The following SLC12A6 variants were observed in gnomAD, a reference collection of about 807,000 sequenced individuals.
SLC12A6 encodes the protein solute carrier family 12 member 6.
In SLC12A6, 66 loss-of-function variants were observed where a neutral mutation model predicts 135.3. That is an observed-to-expected ratio of 0.49 (90% CI 0.40 to 0.60). The LOEUF is 0.60. Ranked by LOEUF, SLC12A6 falls within the 20% of genes least tolerant of loss-of-function variation. The pLI, the probability that SLC12A6 is intolerant of heterozygous loss-of-function variation, is 0.00. For missense variants in SLC12A6, 1,058 were observed against 1,452.3 expected, an observed-to-expected ratio of 0.73 and a Z score of 4.41; for synonymous variants, 513 against 508.8, an observed-to-expected ratio of 1.01 and a Z score of -0.11.
intron 2 of SLC12A6, among the ~76,000 whole-genome samples, chr15:34,322,737 G>A (rs1889185029): frequency 6.6e-6 from 1 of 151,884 alleles, no homozygotes; most frequent in African/African-American, 2.4e-5. Context: ...CAGCACTTTG[G>A]GAGGCCAAGG....
At chr15:34,312,446 G>A (rs1888323253) in intron 2 of SLC12A6, among the ~76,000 whole-genome samples, 1 of 152,152 alleles carries the variant, frequency 6.6e-6, no homozygotes. Flanking sequence ...ATCTGACGAA[G>A]TCCTCAAGGA....
At chr15:34,304,495 A>G (rs1896466571) in intron 2 of SLC12A6, among the ~76,000 whole-genome samples, 1 of 152,228 alleles carries the variant, frequency 6.6e-6, no homozygotes. Flanking sequence ...ACTATTTTAC[A>G]TTGTCACTAG....
chr15:34,299,045 CTTGT>C (rs1274881455), intron 2 of SLC12A6, among the ~76,000 whole-genome samples: 13 of 152,140 alleles, frequency 8.5e-5, no homozygotes, highest in Admixed American at 3.3e-4. Context: ...ATCATTTTCA[CTTGT>C]TTATTTGTAA....
chr15:34,260,047 A>G (rs954053517), intron 4 of SLC12A6, among the ~76,000 whole-genome samples: 4 of 152,214 alleles, frequency 2.6e-5, no homozygotes, highest in South Asian at 2.1e-4. Context: ...AACATATTGT[A>G]TATTTCAAAA....
intron 2 of SLC12A6, among the ~76,000 whole-genome samples, chr15:34,276,362 G>C (rs1406793044): frequency 2.0e-5 from 3 of 152,156 alleles, no homozygotes; most frequent in African/African-American, 7.2e-5. Flanking sequence ...AAGATACACT[G>C]ACTACATTGG....
intron 3 of SLC12A6, among the ~76,000 whole-genome samples, chr15:34,269,359 A>G (rs1893752051): frequency 2.0e-5 from 3 of 152,050 alleles, no homozygotes; most frequent in Admixed American, 1.3e-4. Context: ...TTATATAAAC[A>G]CTTTACTGTT....
chr15:34,336,117 T>C (rs966572994), intron 2 of SLC12A6, among the ~76,000 whole-genome samples: 1 of 152,182 alleles, frequency 6.6e-6, no homozygotes, highest in African/African-American at 2.4e-5. Context: ...TCTTTGATAT[T>C]CACTTTTAAC....
intron 2 of SLC12A6, among the ~76,000 whole-genome samples, chr15:34,325,113 G>A (rs919967483): frequency 6.6e-5 from 10 of 152,146 alleles, no homozygotes; most frequent in African/African-American, 2.2e-4. Flanking sequence ...GAATAGTTCT[G>A]TGTTAGAAAA....
intron 2 of SLC12A6, among the ~76,000 whole-genome samples, chr15:34,279,309 G>A (rs1000168277): frequency 2.6e-5 from 4 of 151,372 alleles, no homozygotes; most frequent in African/African-American, 4.9e-5. Flanking sequence ...GCAAGACTCC[G>A]TCTCAAAAAA....
At chr15:34,235,878 T>C in intron 24 of SLC12A6, 137 bp downstream of exon 24, 1 of 764,092 alleles carries the variant, frequency 1.3e-6, no homozygotes, top group East Asian at 2.5e-5. Context: ...TGGGAGCCAG[T>C]ATGAACAGGC....
In SLC12A6 at chr15:34,275,361, T is replaced by C; in HGVS notation, c.300A>G (p.Glu100=). The C allele has an allele frequency of 3.2e-6, 5 of 1,545,340 alleles. No homozygotes were observed. The highest frequency in any genetic ancestry group is 4.5e-6 in the Non-Finnish European group (5 of 1,118,092). ...ATACTATACCTAACAGTTGGCTGTG[T>C]TCCCCTGTGATGGAGTTCTGACTCA... ...EDLSQNSITG[E]HSQLLDDGHK... The change falls in exon 3 of 26, where the codon GAA becomes GAG. Residue 100 remains glutamate, a synonymous_variant. Coordinates refer to ENST00000354181, the MANE Select transcript of SLC12A6 (RefSeq NM_001365088.1).
At chr15:34,297,950 A>C (rs2140998764) in intron 2 of SLC12A6, among the ~76,000 whole-genome samples, 1 of 152,302 alleles carries the variant, frequency 6.6e-6, no homozygotes, top group Non-Finnish European at 1.5e-5. Context: ...TTAATAGACC[A>C]CGGCGGTCTG....
At chr15:34,277,877 G>C (rs550936262) in intron 2 of SLC12A6, among the ~76,000 whole-genome samples, 4 of 152,188 alleles carry the variant, frequency 2.6e-5, no homozygotes, top group Admixed American at 6.5e-5. Context: ...GGGTTAATCA[G>C]TGGCTAAAGA....
chr15:34,270,736 G>A (rs1328605664), intron 3 of SLC12A6, among the ~76,000 whole-genome samples: 1 of 151,866 alleles, frequency 6.6e-6, no homozygotes, highest in African/African-American at 2.4e-5. Flanking sequence ...CTGGGAGATG[G>A]AGGTTGCAGT....
intron 2 of SLC12A6, 105 bp downstream of exon 2, chr15:34,336,305 A>G (rs1890189197): frequency 1.7e-5 from 16 of 946,272 alleles, no homozygotes; most frequent in East Asian, 2.6e-5. Context: ...CCTGATGACT[A>G]TTATAATCAT....
intron 2 of SLC12A6, among the ~76,000 whole-genome samples, chr15:34,315,957 A>G (rs1216771370): frequency 2.6e-5 from 4 of 152,018 alleles, no homozygotes; most frequent in Non-Finnish European, 2.9e-5. Flanking sequence ...AAACAAAACA[A>G]AAAAAACAAC....
In SLC12A6 at chr15:34,254,390, T is replaced by C. The variant is rs779659902; in HGVS notation, c.1076A>G (p.Tyr359Cys). 11 of 1,613,658 alleles carry C rather than the reference T, an allele frequency of 6.8e-6. No individual in the cohort carries two copies. In the Admixed American group the frequency reaches 1.3e-4, roughly 20 times the overall value. ...ACVIVSILAI[Y>C]AGAIKSSFAP... ...AAAAGAAGACTTGATGGCTCCAGCA[T>C]AGATGGCCAAGATGGACACAATGAC... The change falls in exon 9 of 26, where the codon TAT becomes TGT. Residue 359 changes from tyrosine (Y) to cysteine (C), a missense_variant. This residue lies in a region of SLC12A6 where 297 missense variants were observed against 318.5 expected (regional missense o/e 0.93). Coordinates refer to ENST00000354181, the MANE Select transcript of SLC12A6 (RefSeq NM_001365088.1).
chr15:34,332,705 C>T (rs755111259), intron 2 of SLC12A6, among the ~76,000 whole-genome samples: 4 of 151,904 alleles, frequency 2.6e-5, no homozygotes, highest in African/African-American at 7.2e-5. Flanking sequence ...ATCACTTGGA[C>T]CAGGGAGGTG....
intron 3 of SLC12A6, among the ~76,000 whole-genome samples, chr15:34,264,962 C>T (rs543751325): frequency 3.3e-5 from 5 of 152,242 alleles, no homozygotes; most frequent in South Asian, 2.1e-4. Flanking sequence ...TTTAGGAGGC[C>T]GAGGCGGGCG....
Sources: gnomAD v4.1 joint callset for allele counts (sites outside exome capture counted in the v4.1 genomes callset) on GRCh38, gnomAD v4.1.1 for gene constraint, gnomAD v4.1.1 regional missense constraint, MANE v1.5 for transcripts, NCBI Gene and HGNC (gene_info 2026-07-23, HGNC 2026-07-21) for gene names.